SORL1: variants seen among roughly 807,000 people sequenced by gnomAD.
The protein encoded by SORL1 is sortilin-related receptor.
In SORL1, 127 loss-of-function variants were observed where a neutral mutation model predicts 273.7. The observed-to-expected ratio is 0.46, with a 90% confidence interval of 0.40 to 0.54. The LOEUF is 0.54. Ranked by LOEUF, SORL1 falls within the 20% of genes least tolerant of loss-of-function variation. The probability of loss-of-function intolerance (pLI) is 0.00; values close to 1 mark genes in which losing one functional copy is unlikely to be tolerated. For synonymous variants in SORL1, 1,031 were observed against 1,067.4 expected, an observed-to-expected ratio of 0.97 and a Z score of 0.66; for missense variants, 2,494 against 2,846.1, an observed-to-expected ratio of 0.88 and a Z score of 2.81.
In SORL1 at chr11:121,514,269, G is replaced by C. The variant is rs1449365025; in HGVS notation, c.1159G>C (p.Glu387Gln). Residue 387 changes from glutamate (E) to glutamine (Q), a missense_variant, in exon 8 of 48, where the codon GAG (glutamate) becomes CAG (glutamine). Around this residue, in one of 3 missense-constraint regions of SORL1, gnomAD observed 710 missense variants for 882.5 expected, o/e 0.80. Coordinates refer to ENST00000260197, the MANE Select transcript of SORL1 (RefSeq NM_003105.6). Reference sequence around the variant, plus strand: ...GGGGCTGAAGTTCTCCCTGTCCTTGGAGAACGTGCTCTATTACAGCCCAGG... The same window carrying C: ...GGGGCTGAAGTTCTCCCTGTCCTTGCAGAACGTGCTCTATTACAGCCCAGG... The part of the protein sequence containing the change: ...AEGLKFSLSL[E>Q]NVLYYSPGGA... 1.2e-6 allele frequency: 2 copies of C among 1,614,088 alleles called. No individual in the cohort carries two copies. The highest frequency in any genetic ancestry group is 1.6e-4 in the Middle Eastern group (1 of 6,080).
At chr11:121,488,231 T>A (rs760343148) in intron 4 of SORL1, 38 bp downstream of exon 4, 18 of 1,601,134 alleles carry the variant, frequency 1.1e-5, no homozygotes, top group Non-Finnish European at 1.5e-5. Context: ...ATGGGGCTCC[T>A]CTAGTTTTCT....
chr11:121,612,964 G>A (rs1863588916), intron 40 of SORL1, 132 bp downstream of exon 40: 1 of 641,566 alleles, frequency 1.6e-6, no homozygotes, highest in Non-Finnish European at 2.8e-6. Flanking sequence ...GTGTTGACAG[G>A]TTCTTGTGCA....
At position 121,558,602 on chromosome 11, in the gene SORL1, G is replaced by A; in HGVS notation, c.2675G>A (p.Trp892Ter). Reference protein sequence around the residue: ...VLVPQEGVMFWTDWGDLKPGI... With the variant: ...VLVPQEGVMF ...CCCATTTTCGCTAGGGTGATGTTCT[G>A]GACAGACTGGGGAGACCTGAAGCCT... Residue 892 changes from tryptophan to a stop codon, truncating the protein, a stop_gained, in exon 20 of 48, where the codon TGG (tryptophan) becomes TAG (stop). Transcript: ENST00000260197. LOFTEE classifies it high-confidence loss of function. The A allele has an allele frequency of 6.2e-7, 1 of 1,614,120 alleles. No individual in the cohort carries two copies.
intron 21 of SORL1, among the ~76,000 whole-genome samples, chr11:121,564,695 G>A (rs1472791978): frequency 6.6e-6 from 1 of 151,958 alleles, no homozygotes; most frequent in Non-Finnish European, 1.5e-5. Flanking sequence ...TCCCACTTCA[G>A]CCTCTGAAGT....
In SORL1 at chr11:121,633,648, T is replaced by G. The variant is rs150462840; in HGVS notation, c.*4085T>G. 6.6e-6 allele frequency: 1 copy of G among 152,238 alleles called. No individual in the cohort carries two copies. Among genetic ancestry groups the G allele is most frequent in the Non-Finnish European group, 1.5e-5 (1 of 68,040 alleles). 9.4% of individuals were successfully genotyped at this position (152,238 alleles called of 1,614,324 possible). On this transcript the variant is annotated 3_prime_UTR_variant, in exon 48 of 48. Transcript: ENST00000260197. ...TTGTCTCAATGTCAACTTTTTTCAC[T>G]GAATAAAAATTTAACTGGGTCAAGA... is the stretch of plus-strand genomic sequence containing the variant.
At chr11:121,523,599 A>C (rs1347784082) in intron 11 of SORL1, among the ~76,000 whole-genome samples, 1 of 151,960 alleles carries the variant, frequency 6.6e-6, no homozygotes, top group Non-Finnish European at 1.5e-5. Context: ...GGCATTAGAG[A>C]ATTTCCAAAC....
intron 21 of SORL1, among the ~76,000 whole-genome samples, chr11:121,565,819 A>G (rs1862746366): frequency 6.6e-6 from 1 of 152,122 alleles, no homozygotes; most frequent in African/African-American, 2.4e-5. Flanking sequence ...TTCATCCACA[A>G]AGGCTCCTTC....
At chr11:121,552,551 A>C (rs1862521731) in intron 16 of SORL1, among the ~76,000 whole-genome samples, 1 of 152,176 alleles carries the variant, frequency 6.6e-6, no homozygotes, top group Non-Finnish European at 1.5e-5. Flanking sequence ...TCATGTCCCT[A>C]TACCTTAGCT....
chr11:121,555,118 C>T (rs147621692), intron 17 of SORL1, 69 bp from the exon 18 acceptor site: 291 of 1,508,084 alleles, frequency 1.9e-4, no homozygotes, highest in Admixed American at 6.1e-4. Context: ...GGTTACCCTT[C>T]ATGGGACTGA....
intron 31 of SORL1, among the ~76,000 whole-genome samples, chr11:121,592,386 T>C (rs1863229743): frequency 6.6e-6 from 1 of 152,234 alleles, no homozygotes; most frequent in South Asian, 2.1e-4. Flanking sequence ...AATTTCTGGG[T>C]GGAGCCCAGG....
chr11:121,519,209 G>A lies in SORL1; in HGVS notation c.1212-1448G>A, dbSNP rs548603686. Among the ~76,000 whole-genome samples, 5 of 152,146 alleles carry A rather than the reference G, an allele frequency of 3.3e-5. No homozygotes were observed. In the South Asian group the frequency reaches 1.0e-3, roughly 32 times the overall value. On this transcript the variant is annotated intron_variant, in intron 8 of 47. Coordinates refer to ENST00000260197, the MANE Select transcript of SORL1 (RefSeq NM_003105.6). ...GATCTGCCCCCTTCAGCCTCCCAAAGTGCTGGGATTACAGGTGTGAGCCAC... is the reference window on the plus strand; with the variant it reads ...GATCTGCCCCCTTCAGCCTCCCAAAATGCTGGGATTACAGGTGTGAGCCAC...
chr11:121,599,877 C>A (rs936415337), intron 32 of SORL1, among the ~76,000 whole-genome samples: 2 of 152,102 alleles, frequency 1.3e-5, no homozygotes, highest in Non-Finnish European at 2.9e-5. Flanking sequence ...TGCTTTCCTG[C>A]ATTTTGGCTG....
intron 5 of SORL1, 149 bp from the exon 6 acceptor site, chr11:121,496,720 A>G: frequency 3.1e-6 from 2 of 646,838 alleles, no homozygotes; most frequent in Non-Finnish European, 5.2e-6. Context: ...AGGAGTAACC[A>G]AAGGGATATG....
chr11:121,600,960 T>TATGTATACAC (rs1349744503), intron 32 of SORL1, among the ~76,000 whole-genome samples: 2 of 152,236 alleles, frequency 1.3e-5, no homozygotes, highest in African/African-American at 4.8e-5. Context: ...GTTAGTTACA[T>TATGTATACAC]ATGTATACAT....
intron 1 of SORL1, among the ~76,000 whole-genome samples, chr11:121,457,121 T>C (rs927374162): frequency 6.6e-6 from 1 of 152,208 alleles, no homozygotes; most frequent in Non-Finnish European, 1.5e-5. Context: ...GCGTCTTTTC[T>C]TAGGGAGCTC....
Position 121,574,249 on chromosome 11 carries a change from A to G in SORL1, c.3346A>G (p.Ile1116Val), listed in dbSNP as rs62617129. 12,713 of 1,613,698 alleles carry G rather than the reference A, an allele frequency of 7.9e-3. 67 individuals are homozygous for G. The highest frequency in any genetic ancestry group is 9.4e-3 in the Non-Finnish European group (11,083 of 1,179,636). ...TTTCTATCCCATTTTAGCTACCACC[A>G]TCTGTGACCTGGACACCCAGTTTCG... Reference protein sequence around the residue: ...MSDERNCPTTICDLDTQFRCQ... With the variant: ...MSDERNCPTTVCDLDTQFRCQ... Residue 1116 changes from isoleucine (I) to valine (V), a missense_variant, in exon 24 of 48, where the codon ATC (isoleucine) becomes GTC (valine). Around this residue, in one of 3 missense-constraint regions of SORL1, gnomAD observed 1,609 missense variants for 1,816.4 expected, o/e 0.89. Coordinates refer to ENST00000260197, the MANE Select transcript of SORL1 (RefSeq NM_003105.6).
At chr11:121,493,604 A>G (rs1230980902) in intron 5 of SORL1, among the ~76,000 whole-genome samples, 1 of 152,170 alleles carries the variant, frequency 6.6e-6, no homozygotes, top group Non-Finnish European at 1.5e-5. Context: ...TGTTGGTTTC[A>G]AGGAGCTCTT....
chr11:121,461,180 T>A (rs1307241780), intron 1 of SORL1, among the ~76,000 whole-genome samples: 2 of 147,432 alleles, frequency 1.4e-5, no homozygotes. Context: ...ACTGAGTGGT[T>A]AAAAAAAAAA....
intron 47 of SORL1, among the ~76,000 whole-genome samples, chr11:121,628,591 C>T (rs1326423865): frequency 2.0e-5 from 3 of 152,152 alleles, no homozygotes; most frequent in Non-Finnish European, 4.4e-5. Flanking sequence ...CATTGGGGAT[C>T]CCTGTCTTAA....
Sources: allele counts gnomAD v4.1 joint callset (sites outside exome capture counted in the v4.1 genomes callset), GRCh38; gene constraint gnomAD v4.1.1; regional missense constraint gnomAD v4.1.1; transcripts MANE v1.5; gene names NCBI Gene and HGNC (gene_info 2026-07-23, HGNC 2026-07-21).